The following HS3ST4 variants were observed in gnomAD, a reference collection of about 807,000 sequenced individuals.
HS3ST4 encodes the protein heparan sulfate-glucosamine 3-sulfotransferase 4, also known as heparan sulfate glucosamine 3-O-sulfotransferase 4.
Under a neutral mutation model 29.2 loss-of-function variants are expected in HS3ST4, and 17 were observed. The observed-to-expected ratio is 0.58, with a 90% CI of 0.40 to 0.87. The LOEUF (loss-of-function observed/expected upper bound fraction) is 0.87. HS3ST4 is among the 40% of genes least tolerant of loss of function. The pLI is 0.00. For missense variants in HS3ST4, 627 were observed against 634.5 expected (o/e 0.99, Z 0.13); for synonymous variants, 314 against 285.7 (o/e 1.10, Z -1.00).
intron 1 of HS3ST4, among the ~76,000 whole-genome samples, chr16:26,054,269 G>GGAGAGAGAGAGAGAGAGAGAGAGAGA (rs58364733): frequency 2.2e-5 from 3 of 133,642 alleles, no homozygotes; most frequent in African/African-American, 8.6e-5. Flanking sequence ...ACAGAGAGAG[G>GGAGAGAGAGAGAGAGAGAGAGAGAGA]GAGAGAGAGA....
chr16:26,049,650 C>T (rs1054926356), intron 1 of HS3ST4, among the ~76,000 whole-genome samples: 12 of 152,094 alleles, frequency 7.9e-5, no homozygotes, highest in South Asian at 2.1e-4. Flanking sequence ...ACCAACTGCA[C>T]GACCACCAAT....
At chr16:25,769,469 C>T (rs1225287467) in intron 1 of HS3ST4, among the ~76,000 whole-genome samples, 2 of 152,086 alleles carry the variant, frequency 1.3e-5, no homozygotes, top group African/African-American at 2.4e-5. Context: ...AGTGGCTGTC[C>T]ATCTAGGCAT....
chr16:25,888,419 A>G (rs1298783385), intron 1 of HS3ST4, among the ~76,000 whole-genome samples: 1 of 152,094 alleles, frequency 6.6e-6, no homozygotes, highest in South Asian at 2.1e-4. Flanking sequence ...TTGTGATAAG[A>G]TAGTTTTCAG....
At chr16:25,979,906 C>T (rs1396132841) in intron 1 of HS3ST4, among the ~76,000 whole-genome samples, 1 of 152,170 alleles carries the variant, frequency 6.6e-6, no homozygotes, top group Non-Finnish European at 1.5e-5. Flanking sequence ...GAATCATAAA[C>T]CTAATGTCAC....
chr16:25,797,160 G>A (rs925512196), intron 1 of HS3ST4, among the ~76,000 whole-genome samples: 1 of 152,182 alleles, frequency 6.6e-6, no homozygotes, highest in Non-Finnish European at 1.5e-5. Context: ...GTGAAGAAAT[G>A]CCATTGTTTC....
chr16:26,032,920 G>A lies in HS3ST4; in HGVS notation c.735-102692G>A, dbSNP rs146716788. ...TCTCGCCTCTTCTTCACACTGCTCCGGAGGCGTGTTTTAAGACTGATTTAG... is the reference window on the plus strand; with the variant it reads ...TCTCGCCTCTTCTTCACACTGCTCCAGAGGCGTGTTTTAAGACTGATTTAG... On this transcript the variant is annotated intron_variant, in intron 1 of 1. Coordinates refer to ENST00000331351, the MANE Select transcript of HS3ST4 (RefSeq NM_006040.3). 783 of 849,846 alleles carry A rather than the reference G, an allele frequency of 9.2e-4. 3 individuals carry two copies. In the East Asian group the frequency reaches 0.016, roughly 17 times the overall value. The allele number at this position is 849,846 out of a possible 1,614,324, so 52.6% of individuals were successfully genotyped here. A position where few individuals can be genotyped will look rare whatever the true frequency, so the allele number is the denominator to read the frequency against.
intron 1 of HS3ST4, among the ~76,000 whole-genome samples, chr16:26,085,444 C>T (rs1898774975): frequency 2.0e-5 from 3 of 152,170 alleles, no homozygotes; most frequent in South Asian, 4.1e-4. Flanking sequence ...ATGATAAAAT[C>T]CTTCATTAAG....
intron 1 of HS3ST4, among the ~76,000 whole-genome samples, chr16:25,854,643 C>T (rs2141651280): frequency 6.6e-6 from 1 of 152,224 alleles, no homozygotes; most frequent in Non-Finnish European, 1.5e-5. Flanking sequence ...ACGCCTCTGA[C>T]ATTTTTGCCT....
intron 1 of HS3ST4, among the ~76,000 whole-genome samples, chr16:25,908,562 G>A (rs1968202614): frequency 6.6e-6 from 1 of 152,212 alleles, no homozygotes; most frequent in African/African-American, 2.4e-5. Flanking sequence ...ACATTGTCCA[G>A]TGAGGAATGA....
intron 1 of HS3ST4, among the ~76,000 whole-genome samples, chr16:25,903,923 A>T (rs1355500622): frequency 1.3e-5 from 2 of 152,212 alleles, no homozygotes; most frequent in Non-Finnish European, 2.9e-5. Flanking sequence ...TCCAGCACCT[A>T]AATAGTTCAC....
chr16:26,030,400 G>A (rs1360748673), intron 1 of HS3ST4, among the ~76,000 whole-genome samples: 5 of 152,072 alleles, frequency 3.3e-5, no homozygotes, highest in East Asian at 1.9e-4. Context: ...GTGAGACGCC[G>A]TCTCTAAAAA....
rs770899695 is a variant in HS3ST4 at position 25,693,178 on chromosome 16, T to TGGAGACGCGTGGG, written c.734+37_734+49dup. 2.3e-5 allele frequency: 36 copies of TGGAGACGCGTGGG among 1,532,658 alleles called. No individual in the cohort carries two copies. In the East Asian group the frequency reaches 4.8e-4, roughly 21 times the overall value. 94.9% of individuals were successfully genotyped at this position (1,532,658 alleles called of 1,614,324 possible). ...TAGGACCCTGGGCTCCGCGGGCTGG[T>TGGAGACGCGTGGG]GGAGACGCGTGGGGGAGACGCGGAG... On this transcript the variant is annotated intron_variant, in intron 1 of 1. Transcript: ENST00000331351.
chr16:25,895,144 TG>T (rs1968047132), intron 1 of HS3ST4, among the ~76,000 whole-genome samples: 2 of 6,122 alleles, frequency 3.3e-4, no homozygotes, highest in African/African-American at 1.4e-3. Flanking sequence ...AGGCAGGATG[TG>T]TGTGTGTGTG....
chr16:25,739,569 A>AT (rs1290592377), intron 1 of HS3ST4, among the ~76,000 whole-genome samples: 8 of 152,208 alleles, frequency 5.3e-5, no homozygotes, highest in Non-Finnish European at 1.0e-4. Context: ...GGCTGTCATC[A>AT]TGACTATATG....
chr16:26,039,188 T>C (rs532872396), intron 1 of HS3ST4, among the ~76,000 whole-genome samples: 1 of 152,216 alleles, frequency 6.6e-6, no homozygotes, highest in Non-Finnish European at 1.5e-5. Context: ...TGTCCTGTTT[T>C]TTCAAAAATG....
At chr16:25,802,209 A>G (rs1966945869) in intron 1 of HS3ST4, among the ~76,000 whole-genome samples, 1 of 152,140 alleles carries the variant, frequency 6.6e-6, no homozygotes, top group African/African-American at 2.4e-5. Flanking sequence ...GTTTATTTAG[A>G]TTTAACTCTG....
At chr16:25,853,595 A>T (rs1467257902) in intron 1 of HS3ST4, among the ~76,000 whole-genome samples, 1 of 152,050 alleles carries the variant, frequency 6.6e-6, no homozygotes, top group Non-Finnish European at 1.5e-5. Flanking sequence ...ATATTGTTGA[A>T]AGTTTTTATC....
At chr16:26,020,556 A>G (rs1251916986) in intron 1 of HS3ST4, among the ~76,000 whole-genome samples, 1 of 152,204 alleles carries the variant, frequency 6.6e-6, no homozygotes, top group Non-Finnish European at 1.5e-5. Context: ...CTTCACAAAC[A>G]CAGTTTGTTG....
chr16:26,111,163 A>G (rs1441060333), intron 1 of HS3ST4, among the ~76,000 whole-genome samples: 1 of 151,962 alleles, frequency 6.6e-6, no homozygotes, highest in African/African-American at 2.4e-5. Context: ...TCTGGGCTTA[A>G]GTGATCCTCC....
Sources: gnomAD v4.1 joint callset for allele counts (sites outside exome capture counted in the v4.1 genomes callset) on GRCh38, gnomAD v4.1.1 for gene constraint, MANE v1.5 for transcripts, NCBI Gene and HGNC (gene_info 2026-07-23, HGNC 2026-07-21) for gene names.